The following ACTN4 variants were observed in gnomAD, a reference collection of about 807,000 sequenced individuals.
The protein encoded by ACTN4 is actinin alpha 4.
ACTN4 carries 18 observed loss-of-function variants against 114.2 expected under a neutral mutation model. That is an observed-to-expected ratio of 0.16 (90% CI 0.11 to 0.23). The LOEUF is 0.23. ACTN4 is among the 10% of genes least tolerant of loss of function. ACTN4 has a pLI of 1.00. For missense variants in ACTN4, 722 were observed against 1,262.9 expected, an observed-to-expected ratio of 0.57 and a Z score of 6.49; for synonymous variants, 515 against 506.3, an observed-to-expected ratio of 1.02 and a Z score of -0.23.
At position 38,710,383 on chromosome 19, in the gene ACTN4, C is replaced by T. The variant is rs374944035; in HGVS notation, c.819+41C>T. On this transcript the variant is annotated intron_variant, in intron 8 of 20. Transcript: ENST00000252699. ...AGGCAGGCCCTCCTCGCCGCCACCGCGCAATGCCGCCGCTGCCTCTCGCCT... is the reference window on the plus strand; with the variant it reads ...AGGCAGGCCCTCCTCGCCGCCACCGTGCAATGCCGCCGCTGCCTCTCGCCT... The T allele has an allele frequency of 1.1e-3, 1,689 of 1,593,454 alleles. 19 individuals are homozygous for T. In the South Asian group the frequency reaches 0.018, roughly 17 times the overall value.
At position 38,731,249 on chromosome 19, in the gene ACTN4, A is replaced by T; in HGVS notation, c.*1817A>T. On this transcript the variant is annotated 3_prime_UTR_variant, in exon 21 of 21. Coordinates refer to ENST00000252699, the MANE Select transcript of ACTN4 (RefSeq NM_004924.6). The stretch of plus-strand genomic sequence containing the variant: ...CTAGGGGGAGGCTGCTTCTGAGCCC[A>T]GTGGCCCACAGGGAACCCACCTTGG... 6.3e-7 allele frequency: 1 copy of T among 1,586,128 alleles called. No homozygotes were observed. Among genetic ancestry groups the T allele is most frequent in the Non-Finnish European group, 8.6e-7 (1 of 1,157,186 alleles).
At chr19:38,704,136 C>G (rs535803756) in intron 3 of ACTN4, among the ~76,000 whole-genome samples, 2 of 152,322 alleles carry the variant, frequency 1.3e-5, no homozygotes, top group South Asian at 4.1e-4. Flanking sequence ...CATAATAAGA[C>G]CCAGCCTCTA....
At position 38,724,091 on chromosome 19, in the gene ACTN4, G is replaced by A. The variant is rs374385659; in HGVS notation, c.1692+14G>A. The A allele has an allele frequency of 1.5e-4, 242 of 1,613,412 alleles. No individual in the cohort carries two copies. Among genetic ancestry groups the A allele is most frequent in the Non-Finnish European group, 1.9e-4 (226 of 1,179,940 alleles). On this transcript the variant is annotated intron_variant, in intron 14 of 20. Transcript: ENST00000252699. The surrounding 1 kb of genome is among the most constrained non-coding windows in gnomAD (Gnocchi z 7.0). ...GAGGAGATTGAGGTTCGCACCCCCC[G>A]GCCCCCCATCTTCCCAAGAGCCTCT...
At chr19:38,692,780 AGC>A (rs1967972143) in intron 1 of ACTN4, among the ~76,000 whole-genome samples, 1 of 152,164 alleles carries the variant, frequency 6.6e-6, no homozygotes, top group Non-Finnish European at 1.5e-5. Context: ...CCTGTGTCCA[AGC>A]CCTGGACACC....
intron 1 of ACTN4, among the ~76,000 whole-genome samples, chr19:38,691,412 A>C (rs1292008795): frequency 3.4e-5 from 5 of 148,664 alleles, no homozygotes; most frequent in South Asian, 2.2e-4. Context: ...AAAAAAAAAA[A>C]AACAAAAAAA....
chr19:38,721,486 C>G (rs1169683577), intron 11 of ACTN4, 52 bp from the exon 12 acceptor site: 1 of 1,610,734 alleles, frequency 6.2e-7, no homozygotes, highest in Non-Finnish European at 8.5e-7. Context: ...CCTCCAGACT[C>G]CTGCCCCACA....
intron 1 of ACTN4, among the ~76,000 whole-genome samples, chr19:38,673,588 TATATATATTCATATATATTC>T (rs1240581499): frequency 9.0e-6 from 1 of 110,736 alleles, no homozygotes; most frequent in African/African-American, 3.5e-5. Flanking sequence ...CATATATATT[TATATATATTCATATATATTC>T]ATTTATATTT....
intron 1 of ACTN4, among the ~76,000 whole-genome samples, chr19:38,692,625 G>A (rs953045676): frequency 2.0e-5 from 3 of 152,208 alleles, no homozygotes; most frequent in Admixed American, 6.5e-5. Context: ...CCCATGGGCT[G>A]GGGAGCCGTT....
At chr19:38,659,842 C>T (rs541746148) in intron 1 of ACTN4, among the ~76,000 whole-genome samples, 1 of 151,874 alleles carries the variant, frequency 6.6e-6, no homozygotes, top group African/African-American at 2.4e-5. Context: ...AGTGTGCCCC[C>T]TTATTTGGGA....
intron 1 of ACTN4, among the ~76,000 whole-genome samples, chr19:38,650,285 G>T (rs547818822): frequency 6.6e-6 from 1 of 152,118 alleles, no homozygotes; most frequent in South Asian, 2.1e-4. Flanking sequence ...ACTCCCTCCC[G>T]AGAGTTAGGG....
intron 8 of ACTN4, chr19:38,711,448 G>A: frequency 1.5e-6 from 1 of 688,448 alleles, no homozygotes; most frequent in Non-Finnish European, 1.8e-6. Flanking sequence ...ATCTGTGGTT[G>A]GAGCCCTGGC....
chr19:38,664,081 A>T (rs1462857771), intron 1 of ACTN4, among the ~76,000 whole-genome samples: 1 of 152,172 alleles, frequency 6.6e-6, no homozygotes, highest in Non-Finnish European at 1.5e-5. Context: ...GAGAAGTGGG[A>T]TCGGCTCCCA....
intron 4 of ACTN4, among the ~76,000 whole-genome samples, chr19:38,705,534 A>G (rs1968428853): frequency 1.3e-5 from 2 of 152,262 alleles, no homozygotes; most frequent in African/African-American, 4.8e-5. Flanking sequence ...GCCAGGTCGC[A>G]GTGATGACTG....
chr19:38,695,651 C>A (rs1968067948), intron 1 of ACTN4, among the ~76,000 whole-genome samples: 2 of 152,128 alleles, frequency 1.3e-5, no homozygotes, highest in South Asian at 4.2e-4. Context: ...AGCCTCACTT[C>A]TTTACTCCCT....
At position 38,727,860 on chromosome 19, in the gene ACTN4, C is replaced by A; in HGVS notation, c.2338-86C>A. The A allele has an allele frequency of 7.7e-7, 1 of 1,297,664 alleles. No homozygotes were observed. The highest frequency in any genetic ancestry group is 1.1e-6 in the Non-Finnish European group (1 of 908,464). The allele number at this position is 1,297,664 out of a possible 1,614,324, so 80.4% of individuals were successfully genotyped here. On this transcript the variant is annotated intron_variant, in intron 18 of 20. Transcript: ENST00000252699. This position sits in a 1 kb window ranked among gnomAD's most constrained non-coding sequence, Gnocchi z 5.4. Reference sequence around the variant, plus strand: ...TTTCCCTCCCCTACGTGTCCCTTCCCCCTGCCCTCTGCATGTGACCCCGAT... The same window carrying A: ...TTTCCCTCCCCTACGTGTCCCTTCCACCTGCCCTCTGCATGTGACCCCGAT...
At chr19:38,649,580 A>G (rs1976497967) in intron 1 of ACTN4, among the ~76,000 whole-genome samples, 1 of 152,156 alleles carries the variant, frequency 6.6e-6, no homozygotes, top group Non-Finnish European at 1.5e-5. Context: ...TTCTGTTAAT[A>G]AAGAGGGATG....
chr19:38,674,059 C>T (rs1967297673), intron 1 of ACTN4, among the ~76,000 whole-genome samples: 2 of 151,874 alleles, frequency 1.3e-5, no homozygotes, highest in South Asian at 2.1e-4. Flanking sequence ...GGATTACAGG[C>T]GTGAGCCACT....
At chr19:38,726,868 G>A in intron 17 of ACTN4, 89 bp from the exon 18 acceptor site, 1 of 1,577,224 alleles carries the variant, frequency 6.3e-7, no homozygotes, top group Non-Finnish European at 8.6e-7. Context: ...CCCCAGGGCG[G>A]GAGGACAGTT....
chr19:38,683,578 C>G (rs1967645976), intron 1 of ACTN4, among the ~76,000 whole-genome samples: 1 of 152,224 alleles, frequency 6.6e-6, no homozygotes, highest in Non-Finnish European at 1.5e-5. Flanking sequence ...CACACAATGG[C>G]AGTTGGGCTG....
Sources: gnomAD v4.1 joint callset for allele counts (sites outside exome capture counted in the v4.1 genomes callset) on GRCh38, gnomAD v4.1.1 for gene constraint, Gnocchi (gnomAD v3.1) non-coding constraint, MANE v1.5 for transcripts, NCBI Gene and HGNC (gene_info 2026-07-23, HGNC 2026-07-21) for gene names.